The following ZC3H12C variants were observed in gnomAD, a reference collection of about 807,000 sequenced individuals.
ZC3H12C encodes the protein zinc finger CCCH-type containing 12C.
A neutral mutation model predicts 76.3 loss-of-function variants in ZC3H12C; 20 were observed. That is an observed-to-expected ratio of 0.26 (90% CI 0.18 to 0.38). ZC3H12C has a LOEUF of 0.38. Among genes scored for constraint, ZC3H12C ranks in the 10% least tolerant of loss-of-function variants. The pLI is 1.00. For synonymous variants in ZC3H12C, 352 were observed against 399.6 expected (o/e 0.88, Z 1.42); for missense variants, 874 against 1,086.5 (o/e 0.80, Z 2.75).
chr11:110,116,925 C>T (rs551629088), intron 1 of ZC3H12C, among the ~76,000 whole-genome samples: 130 of 152,274 alleles, frequency 8.5e-4, no homozygotes, highest in Middle Eastern at 3.4e-3. Flanking sequence ...GTAGTTCATC[C>T]TCTTTTCTTT....
At chr11:110,106,857 G>A (rs1421199087) in intron 1 of ZC3H12C, among the ~76,000 whole-genome samples, 1 of 152,134 alleles carries the variant, frequency 6.6e-6, no homozygotes, top group East Asian at 1.9e-4. Flanking sequence ...CTATAATAAT[G>A]ACCCAATACT....
chr11:110,155,974 G>T (rs186273351), intron 3 of ZC3H12C, among the ~76,000 whole-genome samples: 7 of 152,200 alleles, frequency 4.6e-5, no homozygotes, highest in African/African-American at 1.7e-4. Flanking sequence ...AAAGCTTCTT[G>T]AACATGAAGA....
At chr11:110,127,164 G>C (rs1252024705) in intron 1 of ZC3H12C, among the ~76,000 whole-genome samples, 1 of 152,222 alleles carries the variant, frequency 6.6e-6, no homozygotes, top group African/African-American at 2.4e-5. Flanking sequence ...GCATGTCTCA[G>C]ATGTTTATCA....
At chr11:110,130,493 C>G (rs533372946) in intron 1 of ZC3H12C, among the ~76,000 whole-genome samples, 2 of 152,144 alleles carry the variant, frequency 1.3e-5, no homozygotes, top group Non-Finnish European at 2.9e-5. Context: ...TCACCAGTAA[C>G]TCATTTATTA....
Position 110,165,655 on chromosome 11 carries a change from T to C in ZC3H12C, c.2570T>C (p.Val857Ala), listed in dbSNP as rs2134204000. Residue 857 changes from valine to alanine, a missense_variant, in exon 6 of 6, where the codon GTC becomes GCC. This residue lies in a region of ZC3H12C where 395 missense variants were observed against 434.4 expected (regional missense o/e 0.91). Coordinates refer to ENST00000278590, the MANE Select transcript of ZC3H12C (RefSeq NM_033390.2). ...NIFPPDLVRI[V>A]MKRNPHMTDA... ...TTCCCCCCTGACCTTGTGAGAATTGTCATGAAAAGGAATCCTCACATGACA... is the reference window on the plus strand; with the variant it reads ...TTCCCCCCTGACCTTGTGAGAATTGCCATGAAAAGGAATCCTCACATGACA... 1 of 1,598,722 alleles carries C rather than the reference T, an allele frequency of 6.3e-7. No homozygotes were observed. The highest frequency in any genetic ancestry group is 8.5e-7 in the Non-Finnish European group (1 of 1,172,178).
chr11:110,151,668 G>A (rs1024010062), intron 2 of ZC3H12C, among the ~76,000 whole-genome samples: 84 of 152,206 alleles, frequency 5.5e-4, no homozygotes, highest in African/African-American at 2.0e-3. Flanking sequence ...GCATTCACCA[G>A]GCTATCGGGT....
At chr11:110,141,448 A>G (rs1862066315) in intron 2 of ZC3H12C, among the ~76,000 whole-genome samples, 1 of 152,204 alleles carries the variant, frequency 6.6e-6, no homozygotes, top group African/African-American at 2.4e-5. Context: ...AACCCTTTTT[A>G]ATATAAATTT....
At chr11:110,115,724 T>A (rs1164158619) in intron 1 of ZC3H12C, among the ~76,000 whole-genome samples, 1 of 151,156 alleles carries the variant, frequency 6.6e-6, no homozygotes, top group Non-Finnish European at 1.5e-5. Flanking sequence ...CATGAGCTAC[T>A]ACACTTAACT....
intron 1 of ZC3H12C, among the ~76,000 whole-genome samples, chr11:110,103,250 A>G (rs969055720): frequency 5.3e-5 from 8 of 152,252 alleles, no homozygotes; most frequent in African/African-American, 1.9e-4. Flanking sequence ...TGAAGAATAT[A>G]ATTAACCTTA....
At chr11:110,125,934 AC>A (rs1861736448) in intron 1 of ZC3H12C, among the ~76,000 whole-genome samples, 1 of 151,904 alleles carries the variant, frequency 6.6e-6, no homozygotes. Flanking sequence ...TGCAAATGAA[AC>A]CCGGGGTTTA....
intron 2 of ZC3H12C, among the ~76,000 whole-genome samples, chr11:110,148,013 G>C (rs1426798043): frequency 2.6e-5 from 4 of 152,194 alleles, no homozygotes; most frequent in African/African-American, 9.6e-5. Context: ...CTAGGACCTA[G>C]ATAGAGGCAA....
chr11:110,164,618 C>T lies in ZC3H12C; in HGVS notation c.1533C>T (p.Asn511=). ...QDLEEKLPTK[N]KLETRSVPSL... is the part of the protein sequence containing the mutation. Reference sequence around the variant, plus strand: ...TAGAAGAAAAGCTTCCCACCAAAAACAAATTGGAAACCAGGTCTGTACCTT... The same window carrying T: ...TAGAAGAAAAGCTTCCCACCAAAAATAAATTGGAAACCAGGTCTGTACCTT... The change falls in exon 6 of 6, where the codon AAC becomes AAT. Residue 511 remains asparagine, a synonymous_variant. Transcript: ENST00000278590. This position sits in a 1 kb window ranked among gnomAD's most constrained non-coding sequence, Gnocchi z 5.7. 6.2e-7 allele frequency: 1 copy of T among 1,613,974 alleles called. No homozygotes were observed. Among genetic ancestry groups the T allele is most frequent in the Admixed American group, 1.7e-5 (1 of 60,020 alleles).
At chr11:110,096,934 A>G (rs927637238) in intron 1 of ZC3H12C, among the ~76,000 whole-genome samples, 8 of 152,228 alleles carry the variant, frequency 5.3e-5, no homozygotes, top group South Asian at 2.1e-4. Flanking sequence ...GTAGTTCACA[A>G]AAAGGAGCAC....
In ZC3H12C at chr11:110,117,881, T is replaced by A. The variant is rs538618320; in HGVS notation, c.22-18782T>A. 1.2e-3 allele frequency among the ~76,000 whole-genome samples: 153 copies of A among 124,328 alleles called. 19 individuals carry two copies. Among genetic ancestry groups the A allele is most frequent in the African/African-American group, 4.5e-3 (148 of 32,702 alleles). 81.6% of individuals were successfully genotyped at this position (124,328 alleles called of 152,430 possible). On this transcript the variant is annotated intron_variant, in intron 1 of 5. Transcript: ENST00000278590. Reference sequence around the variant, plus strand: ...TATATAATATATATACACACACATATATATATTATATATATACACACACAC... The same window carrying A: ...TATATAATATATATACACACACATAAATATATTATATATATACACACACAC...
Position 110,118,091 on chromosome 11 carries a change from CACAT to C in ZC3H12C, c.22-18568_22-18565del, listed in dbSNP as rs1861590770. 5.5e-5 allele frequency among the ~76,000 whole-genome samples: 3 copies of C among 54,322 alleles called. 1 individual carries two copies. The highest frequency in any genetic ancestry group is 4.2e-4 in the Admixed American group (2 of 4,748). The allele number at this position is 54,322 out of a possible 152,430, so 35.6% of individuals were successfully genotyped here. ...CACACACATATATATTATATATATA[CACAT>C]ACACACACATATACACACATACTTT... On this transcript the variant is annotated intron_variant, in intron 1 of 5. Transcript: ENST00000278590.
chr11:110,146,624 C>T (rs539760030), intron 2 of ZC3H12C, among the ~76,000 whole-genome samples: 2 of 152,336 alleles, frequency 1.3e-5, no homozygotes, highest in South Asian at 2.1e-4. Flanking sequence ...GACCTATTGA[C>T]TTTTCATTAG....
chr11:110,164,921 C>T lies in ZC3H12C; in HGVS notation c.1836C>T (p.Ser612=). ...SGPRSPERRF[S]LDTDYRISSV... is the part of the protein sequence containing the mutation. ...CACGAAGCCCTGAAAGGCGTTTCTC[C>T]TTAGACACAGATTATAGAATAAGTT... Residue 612 remains serine (S), a synonymous_variant, in exon 6 of 6, where the codon TCC becomes TCT. Transcript: ENST00000278590. The surrounding 1 kb of genome is among the most constrained non-coding windows in gnomAD (Gnocchi z 5.7). The T allele has an allele frequency of 6.2e-7, 1 of 1,614,024 alleles. No homozygotes were observed. Among genetic ancestry groups the T allele is most frequent in the Non-Finnish European group, 8.5e-7 (1 of 1,179,898 alleles).
chr11:110,121,664 T>G (rs1477126537), intron 1 of ZC3H12C, among the ~76,000 whole-genome samples: 1 of 152,168 alleles, frequency 6.6e-6, no homozygotes, highest in Admixed American at 6.5e-5. Flanking sequence ...TGCAGTTATT[T>G]AAAATCAGTA....
chr11:110,128,398 AG>A (rs1591470743), intron 1 of ZC3H12C, among the ~76,000 whole-genome samples: 1 of 152,144 alleles, frequency 6.6e-6, no homozygotes, highest in African/African-American at 2.4e-5. Context: ...TTTGCAAAAA[AG>A]CTTAATCCAG....
Sources: gnomAD v4.1 joint callset for allele counts (sites outside exome capture counted in the v4.1 genomes callset) on GRCh38, gnomAD v4.1.1 for gene constraint, gnomAD v4.1.1 regional missense constraint, Gnocchi (gnomAD v3.1) non-coding constraint, MANE v1.5 for transcripts, NCBI Gene and HGNC (gene_info 2026-07-23, HGNC 2026-07-21) for gene names.